Variants in SBNO1 observed in about 807,000 individuals in gnomAD.
SBNO1 encodes the protein strawberry notch homolog 1.
Under a neutral mutation model 173.6 loss-of-function variants are expected in SBNO1, and 23 were observed. The ratio of observed to expected loss-of-function variants is 0.13; its 90% CI spans 0.10 to 0.19. The LOEUF (loss-of-function observed/expected upper bound fraction) is 0.19. Among genes scored for constraint, SBNO1 ranks in the 10% least tolerant of loss-of-function variants. The pLI is 1.00. For missense variants in SBNO1, 1,238 were observed against 1,671.2 expected (o/e 0.74, Z 4.52); for synonymous variants, 632 against 571.5 (o/e 1.11, Z -1.51).
In SBNO1 at chr12:123,291,466, GAAC is replaced by G. The variant is rs961789510; in HGVS notation, c.*4439_*4441del. 6.6e-6 allele frequency: 1 copy of G among 152,058 alleles called. No homozygotes were observed. Among genetic ancestry groups the G allele is most frequent in the Non-Finnish European group, 1.5e-5 (1 of 67,996 alleles). The allele number at this position is 152,058 out of a possible 1,614,324, so 9.4% of individuals were successfully genotyped here. Reference sequence around the variant, plus strand: ...CATCAGGCTCACTATAGCTTCCAAAGAACAACATAAACGAGCATCAGCAGTCAT... The same window carrying G: ...CATCAGGCTCACTATAGCTTCCAAAGAACATAAACGAGCATCAGCAGTCAT... On this transcript the variant is annotated 3_prime_UTR_variant, in exon 32 of 32. Coordinates refer to ENST00000602398, the MANE Select transcript of SBNO1 (RefSeq NM_001167856.3).
chr12:123,342,364 T>A (rs958942552), intron 4 of SBNO1, among the ~76,000 whole-genome samples: 9 of 151,724 alleles, frequency 5.9e-5, no homozygotes, highest in African/African-American at 2.2e-4. Context: ...GGCAGGAGAA[T>A]GGCATGAAAA....
chr12:123,325,630 A>T (rs768464108), intron 14 of SBNO1, 31 bp from the exon 15 acceptor site: 1 of 1,368,084 alleles, frequency 7.3e-7, no homozygotes, highest in East Asian at 2.3e-5. Context: ...GTTAATTATG[A>T]ATAATAATGT....
intron 5 of SBNO1, among the ~76,000 whole-genome samples, chr12:123,338,453 C>T (rs1339825362): frequency 1.3e-5 from 2 of 151,696 alleles, no homozygotes; most frequent in African/African-American, 2.4e-5. Context: ...GAGGCCGAGG[C>T]GGGTGAATCA....
In SBNO1 at chr12:123,295,891, T is replaced by C. The variant is rs753791588; in HGVS notation, c.*17A>G. 1.2e-5 allele frequency: 19 copies of C among 1,612,578 alleles called. No homozygotes were observed. The highest frequency in any genetic ancestry group is 8.8e-5 in the South Asian group (8 of 90,866). On this transcript the variant is annotated 3_prime_UTR_variant, in exon 32 of 32. Transcript: ENST00000602398. ...AACAGCATTTCAGATCCATCCATGT[T>C]GAAACCTGTCTGTTCTTCATGCGTT...
Position 123,346,982 on chromosome 12 carries a change from G to GC in SBNO1, c.237+1046dup, listed in dbSNP as rs371790749. ...AGTCCCAGCTGCTTGGAAGGTTAAGGCAGAAGAATTGCTTGAACCCAGGAG... is the reference window on the plus strand; with the variant it reads ...AGTCCCAGCTGCTTGGAAGGTTAAGGCCAGAAGAATTGCTTGAACCCAGGAG... On this transcript the variant is annotated intron_variant, in intron 3 of 31. Transcript: ENST00000602398. Among the ~76,000 whole-genome samples, 236 of 149,786 alleles carry GC rather than the reference G, an allele frequency of 1.6e-3. 2 individuals are homozygous for GC. Among genetic ancestry groups the GC allele is most frequent in the African/African-American group, 5.4e-3 (222 of 40,870 alleles).
chr12:123,334,164 T>C lies in SBNO1; in HGVS notation c.798A>G (p.Leu266=). 4 of 1,599,812 alleles carry C rather than the reference T, an allele frequency of 2.5e-6. No individual in the cohort carries two copies. Among genetic ancestry groups the C allele is most frequent in the Non-Finnish European group, 3.4e-6 (4 of 1,175,134 alleles). The change falls in exon 7 of 32, where the codon TTA becomes TTG. Residue 266 remains leucine, a synonymous_variant. Coordinates refer to ENST00000602398, the MANE Select transcript of SBNO1 (RefSeq NM_001167856.3). The part of the protein sequence containing the change: ...HPDAVVETSS[L]SSVTPPDVWY... ...AAACATCAGGAGGAGTAACACTGGA[T>C]AAAGAGCTGGTTTCCACTACAGCAT...
At chr12:123,319,674 G>A (rs1471846909) in intron 20 of SBNO1, among the ~76,000 whole-genome samples, 1 of 151,282 alleles carries the variant, frequency 6.6e-6, no homozygotes, top group Non-Finnish European at 1.5e-5. Flanking sequence ...CTCCCAAAGT[G>A]CTGGAATTAC....
chr12:123,321,332 A>G (rs1434336819), intron 17 of SBNO1, among the ~76,000 whole-genome samples: 2 of 152,212 alleles, frequency 1.3e-5, no homozygotes, highest in African/African-American at 2.4e-5. Flanking sequence ...CAAGTTAAAA[A>G]TAACTGCACA....
intron 24 of SBNO1, among the ~76,000 whole-genome samples, chr12:123,312,710 CG>C (rs1868741461): frequency 7.2e-6 from 1 of 138,024 alleles, no homozygotes; most frequent in Non-Finnish European, 1.6e-5. Flanking sequence ...GACCCCGTCT[CG>C]AAAAAAAAAA....
intron 23 of SBNO1, among the ~76,000 whole-genome samples, chr12:123,314,182 T>TTTGGAGAC (rs1440454725): frequency 6.6e-6 from 1 of 152,126 alleles, no homozygotes; most frequent in African/African-American, 2.4e-5. Flanking sequence ...TTTTTCTTTT[T>TTTGGAGAC]TTGGAGACAG....
chr12:123,348,942 A>G (rs1873550894), intron 2 of SBNO1: 1 of 150,344 alleles, frequency 6.7e-6, no homozygotes, highest in African/African-American at 2.4e-5. Flanking sequence ...CCTGGGTGAC[A>G]GAGTGAGACT....
chr12:123,337,019 CA>C (rs1871932279), intron 5 of SBNO1, among the ~76,000 whole-genome samples: 1 of 152,180 alleles, frequency 6.6e-6, no homozygotes, highest in South Asian at 2.1e-4. Context: ...ATCCTAAAAC[CA>C]AAACCCCAGA....
At chr12:123,328,390 T>G (rs964337745) in intron 10 of SBNO1, among the ~76,000 whole-genome samples, 1 of 152,242 alleles carries the variant, frequency 6.6e-6, no homozygotes, top group Non-Finnish European at 1.5e-5. Flanking sequence ...AAAGATATAC[T>G]GTGAACAAGT....
At chr12:123,359,295 C>T (rs1874845162) in intron 1 of SBNO1, among the ~76,000 whole-genome samples, 1 of 149,930 alleles carries the variant, frequency 6.7e-6, no homozygotes, top group African/African-American at 2.4e-5. Context: ...CTCCTGTAAT[C>T]CCAGCACTTT....
chr12:123,343,893 A>G, intron 4 of SBNO1, among the ~76,000 whole-genome samples: 1 of 152,120 alleles, frequency 6.6e-6, no homozygotes, highest in East Asian at 1.9e-4. Flanking sequence ...CCATACATGG[A>G]TAGTCTTGCT....
At chr12:123,344,205 C>T (rs1431867571) in intron 4 of SBNO1, among the ~76,000 whole-genome samples, 3 of 152,166 alleles carry the variant, frequency 2.0e-5, no homozygotes, top group South Asian at 2.1e-4. Context: ...AAGTCCCTTG[C>T]GAGTGATTCC....
chr12:123,305,782 C>T (rs888238873), intron 28 of SBNO1, among the ~76,000 whole-genome samples: 1 of 152,042 alleles, frequency 6.6e-6, no homozygotes, highest in Non-Finnish European at 1.5e-5. Flanking sequence ...CTATTTTTAA[C>T]TTTTTAAAGT....
chr12:123,322,842 T>C (rs1205122895), intron 16 of SBNO1, among the ~76,000 whole-genome samples: 9 of 149,198 alleles, frequency 6.0e-5, no homozygotes, highest in African/African-American at 2.2e-4. Context: ...ATGGTACCAC[T>C]GCACTCCAGC....
chr12:123,321,743 C>G lies in SBNO1; in HGVS notation c.2126-11G>C. 6 of 1,612,458 alleles carry G rather than the reference C, an allele frequency of 3.7e-6. No homozygotes were observed. Among genetic ancestry groups the G allele is most frequent in the Non-Finnish European group, 5.1e-6 (6 of 1,178,702 alleles). ...GAGTTATTTCTTCACCTACCCTCCG[C>G]CACAAACAAGAGAGTCAGCCCAAAT... On this transcript the variant is annotated splice_polypyrimidine_tract_variant and intron_variant, in intron 16 of 31. Transcript: ENST00000602398.
Sources: gnomAD v4.1 joint callset for allele counts (sites outside exome capture counted in the v4.1 genomes callset) on GRCh38, gnomAD v4.1.1 for gene constraint, MANE v1.5 for transcripts, NCBI Gene and HGNC (gene_info 2026-07-23, HGNC 2026-07-21) for gene names.